The following ATP13A4 variants were observed in gnomAD, a reference collection of about 807,000 sequenced individuals.
ATP13A4 encodes the protein ATPase 13A4.
A neutral mutation model predicts 142.5 loss-of-function variants in ATP13A4; 114 were observed. The ratio of observed to expected loss-of-function variants is 0.80; its 90% CI spans 0.69 to 0.93. The LOEUF (loss-of-function observed/expected upper bound fraction) is 0.93, where lower values mean the gene tolerates loss of function less well. ATP13A4 is among the 40% of genes least tolerant of loss of function. The pLI is 0.00. For synonymous variants in ATP13A4, 488 were observed against 514.8 expected (o/e 0.95, Z 0.70); for missense variants, 1,392 against 1,454.0 (o/e 0.96, Z 0.69).
intron 3 of ATP13A4, among the ~76,000 whole-genome samples, chr3:193,494,249 C>A (rs111378197): frequency 2.0e-5 from 3 of 152,044 alleles, no homozygotes; most frequent in African/African-American, 7.2e-5. Flanking sequence ...GAAGAAATAT[C>A]AAATCTAAAC....
intron 23 of ATP13A4, among the ~76,000 whole-genome samples, chr3:193,436,739 A>T (rs1042686043): frequency 6.7e-6 from 1 of 148,590 alleles, no homozygotes; most frequent in Non-Finnish European, 1.5e-5. Flanking sequence ...GCCATGAGCC[A>T]CCACACCCAG....
At chr3:193,522,043 C>T (rs1310580739) in intron 1 of ATP13A4, among the ~76,000 whole-genome samples, 1 of 152,208 alleles carries the variant, frequency 6.6e-6, no homozygotes, top group Non-Finnish European at 1.5e-5. Context: ...AGTTAGCATT[C>T]CCAGAGAAAG....
At chr3:193,448,876 GC>G (rs1717110300) in intron 17 of ATP13A4, among the ~76,000 whole-genome samples, 1 of 152,164 alleles carries the variant, frequency 6.6e-6, no homozygotes, top group African/African-American at 2.4e-5. Context: ...TGAGCTGAAA[GC>G]CTGTAAGGGT....
chr3:193,467,183 C>T, intron 10 of ATP13A4, 133 bp downstream of exon 10: 7 of 896,446 alleles, frequency 7.8e-6, no homozygotes, highest in Non-Finnish European at 1.2e-5. Flanking sequence ...TACTATATAC[C>T]CACAAAAATT....
rs867605301 is a variant in ATP13A4, at chr3:193,554,893, A to T, written c.-94T>A. On this transcript the variant is annotated 5_prime_UTR_variant, in exon 1 of 30. Transcript: ENST00000342695. ...CCGAGCCACCGCAGCTCCTCAGCTGACTAAAAGAGTTAATGATCCTCCAGG... is the reference window on the plus strand; with the variant it reads ...CCGAGCCACCGCAGCTCCTCAGCTGTCTAAAAGAGTTAATGATCCTCCAGG... 2 of 1,611,852 alleles carry T rather than the reference A, an allele frequency of 1.2e-6. No homozygotes were observed. Among genetic ancestry groups the T allele is most frequent in the Middle Eastern group, 4.0e-4 (2 of 5,026 alleles).
chr3:193,425,934 T>G (rs1312844951), intron 25 of ATP13A4, among the ~76,000 whole-genome samples: 3 of 151,838 alleles, frequency 2.0e-5, no homozygotes, highest in African/African-American at 7.2e-5. Flanking sequence ...TACCATGATT[T>G]TACTATTACA....
intron 12 of ATP13A4, among the ~76,000 whole-genome samples, chr3:193,463,424 TAAAAAA>T (rs11336311): frequency 2.1e-5 from 2 of 95,996 alleles, no homozygotes; most frequent in Non-Finnish European, 4.2e-5. Context: ...TGCTATTTGG[TAAAAAA>T]AAAAAAAAAA....
intron 2 of ATP13A4, among the ~76,000 whole-genome samples, chr3:193,576,771 G>C (rs558333385): frequency 6.6e-6 from 1 of 152,224 alleles, no homozygotes; most frequent in South Asian, 2.1e-4. Flanking sequence ...TGAAGAACCC[G>C]ACCTGGAGGC....
rs777729034 is a variant in ATP13A4, at chr3:193,402,858, C to G, written c.3385G>C (p.Val1129Leu). 1.2e-5 allele frequency: 20 copies of G among 1,613,760 alleles called. No individual in the cohort carries two copies. Among genetic ancestry groups the G allele is most frequent in the Non-Finnish European group, 1.7e-5 (20 of 1,179,864 alleles). ...FIVSLVAEEAVIENRALWMMI... is the reference protein window; with the variant it reads ...FIVSLVAEEALIENRALWMMI... ...ATCCACAGGGCTCGATTTTCAATAA[C>G]AGCCTCCTGCAAAATAAAATAATTA... The change falls in exon 30 of 30, where the codon GTT becomes CTT. Residue 1129 changes from valine to leucine, a missense_variant. By Grantham distance (32) the Val-to-Leu change is conservative. Coordinates refer to ENST00000342695, the MANE Select transcript of ATP13A4 (RefSeq NM_032279.4).
intron 1 of ATP13A4, among the ~76,000 whole-genome samples, chr3:193,538,488 A>G (rs1577062883): frequency 1.4e-5 from 2 of 147,870 alleles, no homozygotes; most frequent in East Asian, 4.0e-4. Flanking sequence ...TTAATGGAAG[A>G]ATCCACATTA....
At chr3:193,410,239 G>C (rs1351869810) in intron 28 of ATP13A4, among the ~76,000 whole-genome samples, 1 of 150,284 alleles carries the variant, frequency 6.7e-6, no homozygotes, top group Non-Finnish European at 1.5e-5. Context: ...CATTAAGTAT[G>C]AACACACAGA....
At chr3:193,573,009 A>T (rs1577085830) in intron 2 of ATP13A4, among the ~76,000 whole-genome samples, 1 of 98,196 alleles carries the variant, frequency 1.0e-5, no homozygotes, top group African/African-American at 4.2e-5. Context: ...TGGTGTGCAC[A>T]CCTGTGGTCC....
At chr3:193,488,881 T>C (rs1719786206) in intron 7 of ATP13A4, among the ~76,000 whole-genome samples, 1 of 152,148 alleles carries the variant, frequency 6.6e-6, no homozygotes, top group Admixed American at 6.5e-5. Flanking sequence ...ATTCATGGAC[T>C]GCACAAGCAC....
At chr3:193,533,221 T>C (rs1279656252) in intron 1 of ATP13A4, among the ~76,000 whole-genome samples, 1 of 152,102 alleles carries the variant, frequency 6.6e-6, no homozygotes, top group African/African-American at 2.4e-5. Context: ...CTCTAAAATA[T>C]ATACATTTTT....
At chr3:193,460,824 C>G (rs558708311) in intron 13 of ATP13A4, among the ~76,000 whole-genome samples, 1 of 152,180 alleles carries the variant, frequency 6.6e-6, no homozygotes. Flanking sequence ...CCATTTTTAT[C>G]TGAGTATTTC....
intron 25 of ATP13A4, among the ~76,000 whole-genome samples, chr3:193,429,674 T>C (rs1715865842): frequency 6.6e-6 from 1 of 152,002 alleles, no homozygotes; most frequent in Non-Finnish European, 1.5e-5. Context: ...TTTGAGGTGA[T>C]GAAAAACTTT....
In ATP13A4 at chr3:193,400,464, G is replaced by A. The variant is rs1032641646; in HGVS notation, c.*2188C>T. Among the ~76,000 whole-genome samples, 6 of 152,202 alleles carry A rather than the reference G, an allele frequency of 3.9e-5. No homozygotes were observed. Among genetic ancestry groups the A allele is most frequent in the Non-Finnish European group, 8.8e-5 (6 of 68,042 alleles). On this transcript the variant is annotated 3_prime_UTR_variant, in exon 30 of 30. Coordinates refer to ENST00000342695, the MANE Select transcript of ATP13A4 (RefSeq NM_032279.4). ...ATACACCTCTAGCCCAGGCCTGGCA[G>A]GATGCCTGGCATTCATTTGAACAGA...
At chr3:193,527,736 T>G (rs1428791819) in intron 1 of ATP13A4, among the ~76,000 whole-genome samples, 2 of 152,180 alleles carry the variant, frequency 1.3e-5, no homozygotes, top group African/African-American at 4.8e-5. Flanking sequence ...CCCAGCCATG[T>G]GGAGCTGTGA....
intron 26 of ATP13A4, among the ~76,000 whole-genome samples, chr3:193,413,358 C>T (rs1714876396): frequency 1.3e-5 from 2 of 152,144 alleles, no homozygotes; most frequent in African/African-American, 4.8e-5. Flanking sequence ...GATTGTAAAA[C>T]ATGTGTGTTT....
Sources: gnomAD v4.1 joint callset for allele counts (sites outside exome capture counted in the v4.1 genomes callset) on GRCh38, gnomAD v4.1.1 for gene constraint, MANE v1.5 for transcripts, NCBI Gene and HGNC (gene_info 2026-07-23, HGNC 2026-07-21) for gene names.